CNTN5: variants seen among roughly 807,000 people sequenced by gnomAD.
CNTN5 encodes contactin 5, also known as contactin-5.
Under a neutral mutation model 129.1 loss-of-function variants are expected in CNTN5, and 77 were observed. The ratio of observed to expected loss-of-function variants is 0.60; its 90% confidence interval spans 0.50 to 0.72. CNTN5 has a LOEUF of 0.72. Among genes scored for constraint, CNTN5 ranks in the 30% least tolerant of loss-of-function variants. CNTN5 has a pLI of 0.00. For synonymous variants in CNTN5, 509 were observed against 465.6 expected, an observed-to-expected ratio of 1.09 and a Z score of -1.20; for missense variants, 1,478 against 1,328.8, an observed-to-expected ratio of 1.11 and a Z score of -1.75.
At chr11:99,553,981 C>CACACACACAT (rs1555025640) in intron 2 of CNTN5, among the ~76,000 whole-genome samples, 29 of 148,142 alleles carry the variant, frequency 2.0e-4, no homozygotes, top group African/African-American at 4.2e-4. Flanking sequence ...CACACACACA[C>CACACACACAT]ACACACACAC....
At chr11:99,590,384 C>T (rs1949940538) in intron 3 of CNTN5, among the ~76,000 whole-genome samples, 1 of 152,168 alleles carries the variant, frequency 6.6e-6, no homozygotes, top group South Asian at 2.1e-4. Context: ...TGTTTATTAG[C>T]TGTATGACTT....
chr11:100,016,764 A>T (rs1434788309), intron 9 of CNTN5, among the ~76,000 whole-genome samples: 1 of 151,932 alleles, frequency 6.6e-6, no homozygotes, highest in African/African-American at 2.4e-5. Flanking sequence ...CAGAAAGACT[A>T]TTGAGAATGA....
intron 6 of CNTN5, among the ~76,000 whole-genome samples, chr11:99,860,318 A>G (rs1362282950): frequency 6.6e-6 from 1 of 151,704 alleles, no homozygotes; most frequent in Non-Finnish European, 1.5e-5. Context: ...AGTTAGGTGT[A>G]ACTTGTCAAT....
At position 99,853,143 on chromosome 11, in the gene CNTN5, C is replaced by G. The variant is rs116135838; in HGVS notation, c.577+7881C>G. Among the ~76,000 whole-genome samples, 981 of 152,130 alleles carry G rather than the reference C, an allele frequency of 6.4e-3. 12 individuals are homozygous for G. Among genetic ancestry groups the G allele is most frequent in the African/African-American group, 0.021 (877 of 41,504 alleles). On this transcript the variant is annotated intron_variant, in intron 6 of 24. Coordinates refer to ENST00000524871, the MANE Select transcript of CNTN5 (RefSeq NM_014361.4). ...CACAGTAAAATATTTCACTGAGGGA[C>G]AAGTCAGAACAGAATATGTAGTACC...
chr11:99,403,621 G>A (rs1032210275), intron 2 of CNTN5, among the ~76,000 whole-genome samples: 5 of 151,968 alleles, frequency 3.3e-5, no homozygotes, highest in African/African-American at 9.7e-5. Context: ...CCCACTAGTC[G>A]TTCAGGAGCA....
intron 1 of CNTN5, among the ~76,000 whole-genome samples, chr11:99,254,893 A>G (rs1032048670): frequency 3.9e-5 from 6 of 151,994 alleles, no homozygotes; most frequent in African/African-American, 9.7e-5. Context: ...TTGAGTTCCA[A>G]TATTTCTGTA....
At chr11:99,283,159 C>G (rs760684709) in intron 1 of CNTN5, among the ~76,000 whole-genome samples, 13 of 152,080 alleles carry the variant, frequency 8.5e-5, no homozygotes, top group African/African-American at 3.1e-4. Flanking sequence ...AGTTCTCATG[C>G]TGTGACCACT....
At chr11:100,172,380 G>A (rs970174432) in intron 13 of CNTN5, among the ~76,000 whole-genome samples, 2 of 151,954 alleles carry the variant, frequency 1.3e-5, no homozygotes, top group Non-Finnish European at 1.5e-5. Context: ...TACTTATTGT[G>A]TTATTATGAT....
At chr11:99,305,782 A>G (rs1864846410) in intron 1 of CNTN5, among the ~76,000 whole-genome samples, 1 of 151,940 alleles carries the variant, frequency 6.6e-6, no homozygotes, top group Non-Finnish European at 1.5e-5. Flanking sequence ...GGAGTTCGGG[A>G]CCAGCCTGAC....
chr11:100,289,435 G>A (rs1950895109), intron 18 of CNTN5, among the ~76,000 whole-genome samples: 1 of 150,470 alleles, frequency 6.6e-6, no homozygotes, highest in African/African-American at 2.4e-5. Flanking sequence ...TTCACCCCTG[G>A]GATGCAAGGC....
intron 9 of CNTN5, among the ~76,000 whole-genome samples, chr11:100,016,382 A>G (rs577975397): frequency 6.6e-6 from 1 of 152,216 alleles, no homozygotes; most frequent in Admixed American, 6.6e-5. Context: ...GCAACTTCAT[A>G]TTCTTTACTT....
intron 1 of CNTN5, among the ~76,000 whole-genome samples, chr11:99,183,834 C>T (rs79998678): frequency 0.013 from 1,921 of 152,158 alleles, 39 homozygotes; most frequent in African/African-American, 0.042. Context: ...TTTAAAATTC[C>T]ATGTCTAAAG....
At chr11:99,428,701 T>C (rs1359672195) in intron 2 of CNTN5, among the ~76,000 whole-genome samples, 1 of 151,986 alleles carries the variant, frequency 6.6e-6, no homozygotes, top group African/African-American at 2.4e-5. Context: ...TGTTTATGTA[T>C]AAGCATTTAT....
At chr11:99,345,641 G>A (rs867848129) in intron 2 of CNTN5, among the ~76,000 whole-genome samples, 3 of 152,158 alleles carry the variant, frequency 2.0e-5, no homozygotes, top group East Asian at 1.9e-4. Context: ...TCTAAAGAGC[G>A]TTAATACCTG....
intron 2 of CNTN5, among the ~76,000 whole-genome samples, chr11:99,452,370 G>GGGTTT (rs1944335149): frequency 5.0e-5 from 4 of 79,336 alleles, no homozygotes; most frequent in South Asian, 1.0e-3. Flanking sequence ...CTAAACACAG[G>GGGTTT]TGTTTTTTTT....
chr11:100,036,135 A>G (rs1189773188), intron 9 of CNTN5, among the ~76,000 whole-genome samples: 2 of 152,064 alleles, frequency 1.3e-5, no homozygotes, highest in African/African-American at 4.8e-5. Flanking sequence ...ATCTTGAATT[A>G]TTTTTTGTAT....
At chr11:99,798,383 G>T (rs746682876) in intron 3 of CNTN5, among the ~76,000 whole-genome samples, 3 of 152,044 alleles carry the variant, frequency 2.0e-5, no homozygotes, top group Admixed American at 1.3e-4. Context: ...TTTCTTCTAG[G>T]ATTCTTGTAA....
At chr11:99,442,511 A>G (rs544643361) in intron 2 of CNTN5, among the ~76,000 whole-genome samples, 1 of 152,238 alleles carries the variant, frequency 6.6e-6, no homozygotes, top group East Asian at 1.9e-4. Context: ...AATCAAAGAG[A>G]CAGAGTTTTT....
At chr11:99,481,894 G>A (rs180794227) in intron 2 of CNTN5, among the ~76,000 whole-genome samples, 12 of 152,292 alleles carry the variant, frequency 7.9e-5, no homozygotes, top group Admixed American at 4.6e-4. Context: ...CCTTGGAGGT[G>A]ATTGTTTAGG....
Sources: gnomAD v4.1 joint callset for allele counts (sites outside exome capture counted in the v4.1 genomes callset) on GRCh38, gnomAD v4.1.1 for gene constraint, MANE v1.5 for transcripts, NCBI Gene and HGNC (gene_info 2026-07-23, HGNC 2026-07-21) for gene names.